The following SGCD variants were observed in gnomAD, a reference collection of about 807,000 sequenced individuals.
SGCD encodes sarcoglycan delta.
In SGCD, 18 loss-of-function variants were observed where a neutral mutation model predicts 36.6. That is an observed-to-expected ratio of 0.49 (90% CI 0.34 to 0.73). The LOEUF (loss-of-function observed/expected upper bound fraction) is 0.73, where lower values mean the gene tolerates loss of function less well. Among genes scored for constraint, SGCD ranks in the 30% least tolerant of loss-of-function variants. SGCD has a pLI of 0.01. For missense variants in SGCD, 387 were observed against 346.7 expected (o/e 1.12, Z -0.92); for synonymous variants, 133 against 130.6 (o/e 1.02, Z -0.12).
intron 1 of SGCD, among the ~76,000 whole-genome samples, chr5:155,984,310 A>G (rs936365896): frequency 9.9e-5 from 15 of 152,204 alleles, no homozygotes; most frequent in Admixed American, 8.5e-4. Flanking sequence ...TGCATCTGTC[A>G]GTCATAGAAT....
chr5:156,069,685 A>G (rs1002349696), intron 1 of SGCD, among the ~76,000 whole-genome samples: 1 of 151,104 alleles, frequency 6.6e-6, no homozygotes, highest in African/African-American at 2.5e-5. Context: ...CTTGATGGGG[A>G]TGGCATTGAA....
chr5:156,259,276 T>C (rs773223684), intron 3 of SGCD, among the ~76,000 whole-genome samples: 25 of 152,172 alleles, frequency 1.6e-4, no homozygotes, highest in Non-Finnish European at 3.2e-4. Flanking sequence ...TGATGATTTG[T>C]GTGCTCAAGT....
chr5:156,382,148 A>T (rs1199944084), intron 3 of SGCD, among the ~76,000 whole-genome samples: 1 of 152,118 alleles, frequency 6.6e-6, no homozygotes, highest in Non-Finnish European at 1.5e-5. Flanking sequence ...CAGGTTTTGG[A>T]AACTCATTCC....
chr5:155,874,636 G>A (rs1029680296), intron 1 of SGCD, among the ~76,000 whole-genome samples: 3 of 152,224 alleles, frequency 2.0e-5, no homozygotes, highest in African/African-American at 2.4e-5. Flanking sequence ...GAACATGAAC[G>A]TGAATGGAAA....
At chr5:156,403,809 G>C (rs916060927) in intron 3 of SGCD, among the ~76,000 whole-genome samples, 2 of 151,242 alleles carry the variant, frequency 1.3e-5, no homozygotes. Flanking sequence ...ACTTGGGAGA[G>C]AAGGGCATGA....
At chr5:156,052,716 A>G (rs1369360123) in intron 1 of SGCD, among the ~76,000 whole-genome samples, 1 of 146,210 alleles carries the variant, frequency 6.8e-6, no homozygotes, top group Non-Finnish European at 1.5e-5. Flanking sequence ...AAGGAGTAAA[A>G]AAAAAAGTGC....
the SGCD span, among the ~76,000 whole-genome samples, chr5:155,746,369 G>A: frequency 6.6e-5 from 10 of 151,694 alleles, no homozygotes; most frequent in African/African-American, 1.9e-4. Flanking sequence ...CTCCAGCCTG[G>A]GTGACAGAGC....
chr5:155,871,705 C>T (rs1755660199), intron 1 of SGCD, among the ~76,000 whole-genome samples: 2 of 152,190 alleles, frequency 1.3e-5, no homozygotes, highest in South Asian at 4.1e-4. Context: ...GGGAATTGAG[C>T]ATTGGGTAGG....
intron 4 of SGCD, among the ~76,000 whole-genome samples, chr5:156,536,177 A>G (rs1198085988): frequency 6.6e-6 from 1 of 152,150 alleles, no homozygotes; most frequent in Middle Eastern, 3.2e-3. Flanking sequence ...GAAGGATACT[A>G]TGTGATTTAG....
intron 2 of SGCD, among the ~76,000 whole-genome samples, chr5:156,342,937 G>A (rs1768741531): frequency 6.6e-6 from 1 of 152,154 alleles, no homozygotes; most frequent in Non-Finnish European, 1.5e-5. Flanking sequence ...TTCGGCACTA[G>A]GGTATGTGTT....
the SGCD span, among the ~76,000 whole-genome samples, chr5:155,860,118 T>A: frequency 1.2e-4 from 18 of 152,222 alleles, no homozygotes; most frequent in African/African-American, 4.1e-4. Context: ...ATTTGCCCAG[T>A]GGTCTTCAAA....
the SGCD span, among the ~76,000 whole-genome samples, chr5:155,795,546 G>GA: frequency 6.6e-6 from 1 of 151,590 alleles, no homozygotes; most frequent in Non-Finnish European, 1.5e-5. Context: ...TACTGGAGGA[G>GA]AAAAAATAAT....
intron 3 of SGCD, among the ~76,000 whole-genome samples, chr5:156,143,595 G>A (rs1380425006): frequency 6.6e-6 from 1 of 152,222 alleles, no homozygotes; most frequent in Non-Finnish European, 1.5e-5. Flanking sequence ...GGCTTTGGGA[G>A]CCCATCCCTT....
At chr5:156,076,882 C>T (rs1581083523) in intron 1 of SGCD, among the ~76,000 whole-genome samples, 1 of 152,126 alleles carries the variant, frequency 6.6e-6, no homozygotes, top group East Asian at 1.9e-4. Context: ...TCAATGACTT[C>T]ACAGAGAAAC....
chr5:155,944,263 AT>A (rs1329210292), intron 1 of SGCD, among the ~76,000 whole-genome samples: 1 of 152,192 alleles, frequency 6.6e-6, no homozygotes, highest in East Asian at 1.9e-4. Context: ...CAAAGGAAAA[AT>A]TATAGGGTTT....
chr5:155,890,555 C>A (rs1170421221), intron 1 of SGCD, among the ~76,000 whole-genome samples: 1 of 152,182 alleles, frequency 6.6e-6, no homozygotes, highest in African/African-American at 2.4e-5. Flanking sequence ...CTGCAGTGAT[C>A]TGTGATCATG....
chr5:155,889,868 G>A (rs1271092878), intron 1 of SGCD, among the ~76,000 whole-genome samples: 1 of 152,034 alleles, frequency 6.6e-6, no homozygotes, highest in African/African-American at 2.4e-5. Context: ...TCCTTGGGCT[G>A]GTTGGGCTGG....
At chr5:156,123,009 G>A (rs1395354051) in intron 2 of SGCD, among the ~76,000 whole-genome samples, 1 of 151,964 alleles carries the variant, frequency 6.6e-6, no homozygotes, top group Non-Finnish European at 1.5e-5. Context: ...TGACCAACTG[G>A]GTGAATAAAA....
chr5:155,964,433 A>G (rs1379680637), intron 1 of SGCD, among the ~76,000 whole-genome samples: 1 of 151,886 alleles, frequency 6.6e-6, no homozygotes. Flanking sequence ...CCACCTCCTG[A>G]GTTCCAGTGA....
Sources: gnomAD v4.1 joint callset for allele counts (sites outside exome capture counted in the v4.1 genomes callset) on GRCh38, gnomAD v4.1.1 for gene constraint, MANE v1.5 for transcripts, NCBI Gene and HGNC (gene_info 2026-07-23, HGNC 2026-07-21) for gene names.